Variants in LAMTOR5 observed in about 807,000 individuals in gnomAD.
LAMTOR5 encodes the protein ragulator complex protein LAMTOR5.
In LAMTOR5, 8 loss-of-function variants were observed where a neutral mutation model predicts 12.1. The observed-to-expected ratio is 0.66, with a 90% CI of 0.39 to 1.19. The LOEUF is 1.19. Among genes scored for constraint, LAMTOR5 ranks in the 50% most tolerant of loss-of-function variants. The pLI, the probability that LAMTOR5 is intolerant of heterozygous loss-of-function variation, is 0.01. For missense variants in LAMTOR5, 110 were observed against 112.8 expected (o/e 0.97, Z 0.11); for synonymous variants, 37 against 41.9 (o/e 0.88, Z 0.45).
rs770513233 is a variant in LAMTOR5 at position 110,401,473 on chromosome 1, T to C, written c.*50A>G. On this transcript the variant is annotated 3_prime_UTR_variant, in exon 4 of 4. Coordinates refer to ENST00000602318, the MANE Select transcript of LAMTOR5 (RefSeq NM_001382293.1). ...TAGTAGTTCTATAAGGTAATTAACATAGGTAGGATCCAGTTCCTATGACAG... is the reference window on the plus strand; with the variant it reads ...TAGTAGTTCTATAAGGTAATTAACACAGGTAGGATCCAGTTCCTATGACAG... The C allele has an allele frequency of 2.6e-6, 4 of 1,566,210 alleles. No individual in the cohort carries two copies. Among genetic ancestry groups the C allele is most frequent in the South Asian group, 1.1e-5 (1 of 87,228 alleles).
chr1:110,401,304 A>C lies in LAMTOR5; in HGVS notation c.*219T>G, dbSNP rs1173595605. 7.4e-6 allele frequency: 3 copies of C among 405,978 alleles called. No homozygotes were observed. Among genetic ancestry groups the C allele is most frequent in the African/African-American group, 2.0e-5 (1 of 49,476 alleles). The allele number at this position is 405,978 out of a possible 1,614,324, so 25.1% of individuals were successfully genotyped here. A position where few individuals can be genotyped will look rare whatever the true frequency, so the allele number is the denominator to read the frequency against. Reference sequence around the variant, plus strand: ...ACAGCAAAATTCTATATACAAAGTGACCTGGACCTGCTGCTTCAAAACATG... The same window carrying C: ...ACAGCAAAATTCTATATACAAAGTGCCCTGGACCTGCTGCTTCAAAACATG... On this transcript the variant is annotated 3_prime_UTR_variant, in exon 4 of 4. Coordinates refer to ENST00000602318, the MANE Select transcript of LAMTOR5 (RefSeq NM_001382293.1).
chr1:110,407,798 G>T (rs1557925369), upstream of LAMTOR5: 9 of 1,614,092 alleles, frequency 5.6e-6, no homozygotes, highest in Non-Finnish European at 7.6e-6. Flanking sequence ...CGCTTCCGTC[G>T]CACAGAGCCT....
intron 1 of LAMTOR5, 63 bp from the exon 2 acceptor site, chr1:110,406,442 C>A: frequency 8.7e-7 from 1 of 1,151,478 alleles, no homozygotes; most frequent in Non-Finnish European, 1.3e-6. Flanking sequence ...TAAATAAGTA[C>A]AAACATACAG....
rs753316984 is a variant in LAMTOR5 at position 110,406,311 on chromosome 1, T to C, written c.97+7A>G. ...TTCATCAAATAGTTGGTATGAGAGATACTTACAACCCAGATTAAGTCCTTG... is the reference window on the plus strand; with the variant it reads ...TTCATCAAATAGTTGGTATGAGAGACACTTACAACCCAGATTAAGTCCTTG... On this transcript the variant is annotated splice_region_variant and intron_variant, in intron 2 of 3. Coordinates refer to ENST00000602318, the MANE Select transcript of LAMTOR5 (RefSeq NM_001382293.1). The C allele has an allele frequency of 1.3e-6, 2 of 1,587,482 alleles. No homozygotes were observed. The highest frequency in any genetic ancestry group is 1.7e-5 in the Admixed American group (1 of 57,454).
At chr1:110,407,754 C>T (rs1468434169), upstream of LAMTOR5, 9 of 1,614,188 alleles carry the variant, frequency 5.6e-6, no homozygotes, top group Admixed American at 3.3e-5. Flanking sequence ...GATCACGGTG[C>T]AACGTCCGCG....
rs751989747 is a variant in LAMTOR5, at chr1:110,406,321, C to A, written c.94G>T (p.Gly32Cys). 5 of 1,600,694 alleles carry A rather than the reference C, an allele frequency of 3.1e-6. No individual in the cohort carries two copies. In the Admixed American group the frequency reaches 6.9e-5, roughly 22 times the overall value. ...LCTDSQGLNLGCRGTLSDEHA... is the reference protein window; with the variant it reads ...LCTDSQGLNLCCRGTLSDEHA... Reference sequence around the variant, plus strand: ...AGTTGGTATGAGAGATACTTACAACCCAGATTAAGTCCTTGTGAATCTGTG... The same window carrying A: ...AGTTGGTATGAGAGATACTTACAACACAGATTAAGTCCTTGTGAATCTGTG... Residue 32 changes from glycine (G) to cysteine (C), a missense_variant, in exon 2 of 4, where the codon GGT becomes TGT. Gly to Cys is a radical substitution (Grantham distance 159). Coordinates refer to ENST00000602318, the MANE Select transcript of LAMTOR5 (RefSeq NM_001382293.1).
intron 2 of LAMTOR5, among the ~76,000 whole-genome samples, chr1:110,405,454 C>T (rs533213434): frequency 6.6e-6 from 1 of 152,054 alleles, no homozygotes; most frequent in African/African-American, 2.4e-5. Flanking sequence ...TGTGAGCCAC[C>T]GCATCCGGCC....
At chr1:110,407,812 G>A, upstream of LAMTOR5, 2 of 1,614,068 alleles carry the variant, frequency 1.2e-6, no homozygotes, top group African/African-American at 1.3e-5. Context: ...AGAGCCTGAC[G>A]AAGGCTTGGG....
Position 110,401,424 on chromosome 1 carries a change from T to A in LAMTOR5, c.*99A>T, listed in dbSNP as rs1663225914. On this transcript the variant is annotated 3_prime_UTR_variant, in exon 4 of 4. Coordinates refer to ENST00000602318, the MANE Select transcript of LAMTOR5 (RefSeq NM_001382293.1). ...AGAAAAGTGCCTAATGCACATTAAA[T>A]GAATGGCCTAACTACTGGAACTTTA... 7.4e-7 allele frequency: 1 copy of A among 1,342,428 alleles called. No homozygotes were observed. The highest frequency in any genetic ancestry group is 1.0e-6 in the Non-Finnish European group (1 of 964,388). The allele number at this position is 1,342,428 out of a possible 1,614,324, so 83.2% of individuals were successfully genotyped here. A position where few individuals can be genotyped will look rare whatever the true frequency, so the allele number is the denominator to read the frequency against.
chr1:110,405,942 C>G (rs1477964626), intron 2 of LAMTOR5, among the ~76,000 whole-genome samples: 1 of 152,090 alleles, frequency 6.6e-6, no homozygotes, highest in Non-Finnish European at 1.5e-5. Context: ...CCCACCTTGC[C>G]GGGTTGTTGT....
Position 110,407,543 on chromosome 1 carries a change from C to T in LAMTOR5, c.35+43G>A, listed in dbSNP as rs754952227. On this transcript the variant is annotated intron_variant, in intron 1 of 3. Coordinates refer to ENST00000602318, the MANE Select transcript of LAMTOR5 (RefSeq NM_001382293.1). Reference sequence around the variant, plus strand: ...GCCTTTCGTTCCGCTCAAGTTCCTCCGCCGCGACCTCAGGACAGGCCGAAG... The same window carrying T: ...GCCTTTCGTTCCGCTCAAGTTCCTCTGCCGCGACCTCAGGACAGGCCGAAG... 61 of 1,593,982 alleles carry T rather than the reference C, an allele frequency of 3.8e-5. No homozygotes were observed. The Middle Eastern group carries it at 5.5e-4, about 14-fold the overall frequency.
chr1:110,407,056 G>C, intron 1 of LAMTOR5: 2 of 699,052 alleles, frequency 2.9e-6, no homozygotes, highest in Non-Finnish European at 5.2e-6. Context: ...AGTGGAAGCT[G>C]AGGGACATCG....
chr1:110,407,524 C>G, intron 1 of LAMTOR5, 62 bp downstream of exon 1: 1 of 1,571,342 alleles, frequency 6.4e-7, no homozygotes, highest in Non-Finnish European at 8.6e-7. Context: ...TCGCGCCTTT[C>G]GTTCCGCTCA....
chr1:110,401,884 G>A (rs1663237769), intron 3 of LAMTOR5, among the ~76,000 whole-genome samples: 8 of 152,034 alleles, frequency 5.3e-5, no homozygotes, highest in Admixed American at 5.2e-4. Context: ...AAACTCCTGG[G>A]CTCAAGCAAT....
intron 2 of LAMTOR5, among the ~76,000 whole-genome samples, chr1:110,404,750 T>G (rs980662511): frequency 6.6e-5 from 10 of 152,184 alleles, no homozygotes; most frequent in African/African-American, 2.4e-4. Context: ...TTATATAACC[T>G]TAAAATATCG....
chr1:110,407,482 G>T, intron 1 of LAMTOR5, 104 bp downstream of exon 1: 1 of 1,395,320 alleles, frequency 7.2e-7, no homozygotes, highest in Non-Finnish European at 9.6e-7. Flanking sequence ...GTCGCGCGAC[G>T]TCCCCGAGAC....
chr1:110,407,797 C>T (rs765224866), upstream of LAMTOR5: 2 of 1,614,142 alleles, frequency 1.2e-6, no homozygotes, highest in East Asian at 2.2e-5. Flanking sequence ...GCGCTTCCGT[C>T]GCACAGAGCC....
intron 1 of LAMTOR5, chr1:110,406,606 C>T: frequency 2.9e-6 from 1 of 341,444 alleles, no homozygotes; most frequent in Non-Finnish European, 5.4e-6. Context: ...GGGCGGATCA[C>T]CTGAGGTCGG....
At chr1:110,403,175 C>A (rs545844078) in intron 3 of LAMTOR5, among the ~76,000 whole-genome samples, 21 of 152,290 alleles carry the variant, frequency 1.4e-4, no homozygotes, top group African/African-American at 4.8e-4. Flanking sequence ...CAGAACATAT[C>A]CCCATTGTTA....
Sources: allele counts gnomAD v4.1 joint callset (sites outside exome capture counted in the v4.1 genomes callset), GRCh38; gene constraint gnomAD v4.1.1; transcripts MANE v1.5; gene names NCBI Gene and HGNC (gene_info 2026-07-23, HGNC 2026-07-21).